MGAM: variants seen among roughly 807,000 people sequenced by gnomAD.
The protein encoded by MGAM is alpha-1,4-glucosidase.
A neutral mutation model predicts 358.8 loss-of-function variants in MGAM; 253 were observed. That is an observed-to-expected ratio of 0.71 (90% CI 0.64 to 0.78). The LOEUF (loss-of-function observed/expected upper bound fraction) is 0.78. Among genes scored for constraint, MGAM ranks in the 30% least tolerant of loss-of-function variants. The pLI, the probability that MGAM is intolerant of heterozygous loss-of-function variation, is 0.00. For missense variants in MGAM, 3,080 were observed against 3,432.6 expected (o/e 0.90, Z 2.57); for synonymous variants, 1,105 against 1,227.1 (o/e 0.90, Z 2.08).
chr7:142,041,168 T>C (rs534510252), intron 21 of MGAM, among the ~76,000 whole-genome samples: 1 of 152,300 alleles, frequency 6.6e-6, no homozygotes, highest in African/African-American at 2.4e-5. Flanking sequence ...CTAAGATTTC[T>C]TTCTTGTGAT....
At chr7:142,033,016 C>A in intron 14 of MGAM, 107 bp downstream of exon 14, 4 of 638,988 alleles carry the variant, frequency 6.3e-6, no homozygotes, top group Non-Finnish European at 1.0e-5. Context: ...CATAATTGTG[C>A]ATAGAAAAAG....
At chr7:142,006,179 T>C (rs1805147616) in intron 2 of MGAM, among the ~76,000 whole-genome samples, 3 of 152,124 alleles carry the variant, frequency 2.0e-5, no homozygotes. Flanking sequence ...ATGCAGTCTT[T>C]TTTACATTAT....
At chr7:142,062,950 G>A (rs575221609) in intron 35 of MGAM, among the ~76,000 whole-genome samples, 13 of 152,216 alleles carry the variant, frequency 8.5e-5, no homozygotes, top group Non-Finnish European at 1.6e-4. Context: ...TGTAATCCCA[G>A]CACTTTGGGA....
chr7:142,100,010 G>A (rs1269432943), intron 67 of MGAM, among the ~76,000 whole-genome samples: 2 of 152,044 alleles, frequency 1.3e-5, no homozygotes, highest in African/African-American at 2.4e-5. Flanking sequence ...CAAAATAGGA[G>A]CCACCACGAT....
rs1809715492 is a variant in MGAM at position 142,044,459 on chromosome 7, T to C, written c.2499-3326T>C. On this transcript the variant is annotated intron_variant, in intron 21 of 70. Transcript: ENST00000475668. Reference sequence around the variant, plus strand: ...ATATATAATGAATATTATATACACATACGATATATGATATATAATGTATAT... The same window carrying C: ...ATATATAATGAATATTATATACACACACGATATATGATATATAATGTATAT... 2.2e-5 allele frequency among the ~76,000 whole-genome samples: 3 copies of C among 138,500 alleles called. 1 individual carries two copies. Among genetic ancestry groups the C allele is most frequent in the Non-Finnish European group, 4.6e-5 (3 of 65,314 alleles). The allele number at this position is 138,500 out of a possible 152,430, so 90.9% of individuals were successfully genotyped here.
chr7:142,046,048 A>G lies in MGAM; in HGVS notation c.2499-1737A>G, dbSNP rs1810339139. ...AATATGTAATATATATTATATATAC[A>G]TACAATATGTAATATAATATATAAT... On this transcript the variant is annotated intron_variant, in intron 21 of 70. Coordinates refer to ENST00000475668, the MANE Select transcript of MGAM (RefSeq NM_001365693.1). Among the ~76,000 whole-genome samples, 3 of 140,420 alleles carry G rather than the reference A, an allele frequency of 2.1e-5. No homozygotes were observed. In the Admixed American group the frequency reaches 2.2e-4, roughly 10 times the overall value. The allele number at this position is 140,420 out of a possible 152,430, so 92.1% of individuals were successfully genotyped here. A position where few individuals can be genotyped will look rare whatever the true frequency, so the allele number is the denominator to read the frequency against.
At chr7:141,989,832 G>T (rs1554446909) in intron 2 of MGAM, among the ~76,000 whole-genome samples, 1 of 152,170 alleles carries the variant, frequency 6.6e-6, no homozygotes, top group Non-Finnish European at 1.5e-5. Context: ...TACTATGTTT[G>T]ACAATTTCAT....
intron 42 of MGAM, 74 bp from the exon 43 acceptor site, chr7:142,068,573 C>T: frequency 1.7e-6 from 2 of 1,194,516 alleles, no homozygotes. Context: ...TATTTCACCT[C>T]TTTCCTAAGC....
intron 43 of MGAM, among the ~76,000 whole-genome samples, chr7:142,070,260 A>G (rs4577878): frequency 0.96 from 138,501 of 144,190 alleles, 66,927 homozygotes; most frequent in East Asian, 1. Flanking sequence ...GAATCTCATA[A>G]TTAGGATTAA....
At chr7:142,092,147 C>G (rs1815446100) in intron 58 of MGAM, 100 bp downstream of exon 58, 1 of 1,420,742 alleles carries the variant, frequency 7.0e-7, no homozygotes, top group African/African-American at 1.4e-5. Flanking sequence ...TAGTCATTGT[C>G]CAAGGAAGAC....
intron 18 of MGAM, among the ~76,000 whole-genome samples, chr7:142,038,061 C>A (rs1396135620): frequency 6.6e-6 from 1 of 152,028 alleles, no homozygotes; most frequent in African/African-American, 2.4e-5. Context: ...CCCTCACTAC[C>A]CTTCCCAGCC....
At chr7:142,068,803 A>G in intron 43 of MGAM, 100 bp downstream of exon 43, 2 of 1,030,882 alleles carry the variant, frequency 1.9e-6, no homozygotes, top group Non-Finnish European at 2.9e-6. Flanking sequence ...TCTGTAACCC[A>G]CCTGCTGTGT....
chr7:142,051,772 C>T (rs138517976), intron 24 of MGAM, among the ~76,000 whole-genome samples: 42 of 151,810 alleles, frequency 2.8e-4, no homozygotes, highest in African/African-American at 9.7e-4. Flanking sequence ...TTTCATATAA[C>T]CCATAAATAT....
chr7:142,085,383 T>C (rs1161542140), intron 54 of MGAM, among the ~76,000 whole-genome samples: 3 of 146,436 alleles, frequency 2.0e-5, no homozygotes, highest in East Asian at 4.0e-4. Flanking sequence ...CCAAAGCAAC[T>C]GTACATTGTT....
intron 3 of MGAM, among the ~76,000 whole-genome samples, chr7:142,012,268 T>C (rs1805657833): frequency 6.6e-6 from 1 of 152,142 alleles, no homozygotes; most frequent in South Asian, 2.1e-4. Context: ...AATTTACTTA[T>C]CATAGTTATG....
In MGAM at chr7:142,082,325, G is replaced by A. The variant is rs1477448714; in HGVS notation, c.6171+115G>A. The A allele has an allele frequency of 2.2e-6, 3 of 1,349,300 alleles. No homozygotes were observed. In the African/African-American group the frequency reaches 4.2e-5, roughly 19 times the overall value. The allele number at this position is 1,349,300 out of a possible 1,614,324, so 83.6% of individuals were successfully genotyped here. A position where few individuals can be genotyped will look rare whatever the true frequency, so the allele number is the denominator to read the frequency against. ...GTCGTCACATTCTGCTTTTAGGCGAGTGGGCCAATTCTCAGGCTCCTTTGT... is the reference window on the plus strand; with the variant it reads ...GTCGTCACATTCTGCTTTTAGGCGAATGGGCCAATTCTCAGGCTCCTTTGT... On this transcript the variant is annotated intron_variant, in intron 51 of 70. Transcript: ENST00000475668.
At chr7:142,008,095 T>G (rs946063934) in intron 2 of MGAM, among the ~76,000 whole-genome samples, 9 of 152,190 alleles carry the variant, frequency 5.9e-5, no homozygotes, top group Non-Finnish European at 5.9e-5. Context: ...CAAACGAGTT[T>G]GTAATGTGTA....
At chr7:142,064,883 A>G (rs1409489529) in intron 37 of MGAM, among the ~76,000 whole-genome samples, 1 of 152,024 alleles carries the variant, frequency 6.6e-6, no homozygotes, top group African/African-American at 2.4e-5. Flanking sequence ...GTTCATTTCA[A>G]AGTGAATCAT....
chr7:142,031,652 TA>T, intron 12 of MGAM, 27 bp from the exon 13 acceptor site: 1 of 1,456,216 alleles, frequency 6.9e-7, no homozygotes. Context: ...AATTTACTCT[TA>T]CCAGTGTTTT....
Sources: gnomAD v4.1 joint callset for allele counts (sites outside exome capture counted in the v4.1 genomes callset) on GRCh38, gnomAD v4.1.1 for gene constraint, MANE v1.5 for transcripts, NCBI Gene and HGNC (gene_info 2026-07-23, HGNC 2026-07-21) for gene names.